Variants in CELF4 observed in about 807,000 individuals in gnomAD.
CELF4 encodes the protein CUG-BP- and ETR-3-like factor 4.
In CELF4, 18 loss-of-function variants were observed where a neutral mutation model predicts 59.9. That is an observed-to-expected ratio of 0.30 (90% CI 0.21 to 0.45). The LOEUF (loss-of-function observed/expected upper bound fraction) is 0.45, where lower values mean the gene tolerates loss of function less well. CELF4 is among the 20% of genes least tolerant of loss of function. The pLI is 1.00. For missense variants in CELF4, 456 were observed against 689.0 expected (o/e 0.66, Z 3.79); for synonymous variants, 261 against 267.1 (o/e 0.98, Z 0.22).
chr18:37,373,421 C>T (rs1304413242), intron 2 of CELF4, among the ~76,000 whole-genome samples: 1 of 152,234 alleles, frequency 6.6e-6, no homozygotes. Flanking sequence ...ACCTGAGACC[C>T]TGGACGGTGG....
At chr18:37,523,934 T>C (rs1210540777) in intron 1 of CELF4, among the ~76,000 whole-genome samples, 3 of 152,192 alleles carry the variant, frequency 2.0e-5, no homozygotes, top group African/African-American at 7.2e-5. Context: ...CGCCTGCCCT[T>C]TGCATGTCAC....
chr18:37,260,778 C>G (rs904821323), intron 10 of CELF4, among the ~76,000 whole-genome samples: 1 of 152,208 alleles, frequency 6.6e-6, no homozygotes, highest in Non-Finnish European at 1.5e-5. Context: ...CTAAAGCTGC[C>G]CAAGGAGCCA....
In CELF4 at chr18:37,290,250, T is replaced by C. The variant is rs148659784; in HGVS notation, c.449-15007A>G. On this transcript the variant is annotated intron_variant, in intron 3 of 12. Transcript: ENST00000420428. ...CCAGGGCAGTGGAGCCCCCTGAACA[T>C]GGGTCCCAGGCACCTCAAGCTTTGT... is the stretch of plus-strand genomic sequence containing the variant. Among the ~76,000 whole-genome samples the C allele has an allele frequency of 3.2e-4, 48 of 152,280 alleles. No individual in the cohort carries two copies. In the East Asian group the frequency reaches 9.1e-3, roughly 29 times the overall value.
intron 3 of CELF4, among the ~76,000 whole-genome samples, chr18:37,301,618 C>T (rs2096044875): frequency 6.6e-6 from 1 of 152,150 alleles, no homozygotes; most frequent in South Asian, 2.1e-4. Flanking sequence ...TCTGGGCTGC[C>T]CTTCCTCAGG....
At chr18:37,485,339 C>T (rs1388377748) in intron 2 of CELF4, among the ~76,000 whole-genome samples, 186 bp downstream of exon 2, 1 of 151,740 alleles carries the variant, frequency 6.6e-6, no homozygotes, top group Non-Finnish European at 1.5e-5. Flanking sequence ...GGGCCCCTGT[C>T]CCGGATCCCG....
intron 2 of CELF4, among the ~76,000 whole-genome samples, chr18:37,434,548 T>C (rs1316496612): frequency 6.6e-6 from 1 of 152,090 alleles, no homozygotes; most frequent in Admixed American, 6.6e-5. Context: ...AGCCACCTTA[T>C]TACACCAGCG....
chr18:37,469,768 GATTT>G (rs2099816769), intron 2 of CELF4, among the ~76,000 whole-genome samples: 1 of 152,186 alleles, frequency 6.6e-6, no homozygotes, highest in South Asian at 2.1e-4. Context: ...TTCTTCCATT[GATTT>G]ATCTATCAGT....
intron 1 of CELF4, among the ~76,000 whole-genome samples, chr18:37,513,941 CGTGT>C (rs5824070): frequency 0.35 from 50,076 of 143,960 alleles, 10,143 homozygotes; most frequent in Non-Finnish European, 0.46. Flanking sequence ...TGTGTGGTGC[CGTGT>C]GTGTGTGTGT....
intron 1 of CELF4, among the ~76,000 whole-genome samples, chr18:37,532,144 C>T (rs984373141): frequency 6.6e-6 from 1 of 152,194 alleles, no homozygotes; most frequent in African/African-American, 2.4e-5. Context: ...ACTCAAATTG[C>T]TTTCTCCTTG....
chr18:37,270,501 C>A (rs2090638971), intron 8 of CELF4, among the ~76,000 whole-genome samples: 1 of 152,246 alleles, frequency 6.6e-6, no homozygotes, highest in Non-Finnish European at 1.5e-5. Context: ...CACCCAGTCT[C>A]CTTTCTTCCC....
intron 2 of CELF4, among the ~76,000 whole-genome samples, chr18:37,418,148 G>C (rs530988354): frequency 1.3e-5 from 2 of 152,200 alleles, no homozygotes; most frequent in Non-Finnish European, 2.9e-5. Context: ...TCCCCACCAA[G>C]TTGGAAATCC....
At chr18:37,485,678 C>T (rs1354862933) in intron 1 of CELF4, 71 bp from the exon 2 acceptor site, 2 of 1,031,326 alleles carry the variant, frequency 1.9e-6, no homozygotes, top group African/African-American at 1.7e-5. Context: ...CCCTGCCGCC[C>T]GCCCTCCAGG....
Position 37,253,962 on chromosome 18 carries a change from G to C in CELF4, c.1334-24C>G. 2 of 1,586,414 alleles carry C rather than the reference G, an allele frequency of 1.3e-6. No homozygotes were observed. The highest frequency in any genetic ancestry group is 2.3e-5 in the South Asian group (2 of 88,436). On this transcript the variant is annotated intron_variant, in intron 11 of 12. Coordinates refer to ENST00000420428, the MANE Select transcript of CELF4 (RefSeq NM_020180.4). This position sits in a 1 kb window ranked among gnomAD's most constrained non-coding sequence, Gnocchi z 4.5. ...GCCTGGCGAGACACGAGGGACGAGG[G>C]CCTGGGTTTCCACGGGGCCGCCCGG...
At chr18:37,295,784 C>T (rs1484877998) in intron 3 of CELF4, among the ~76,000 whole-genome samples, 3 of 152,164 alleles carry the variant, frequency 2.0e-5, no homozygotes, top group Non-Finnish European at 1.5e-5. Context: ...AAGGGAGGCA[C>T]CCAGGTGAAA....
intron 2 of CELF4, among the ~76,000 whole-genome samples, chr18:37,330,882 G>A (rs573683198): frequency 6.6e-6 from 1 of 152,232 alleles, no homozygotes; most frequent in South Asian, 2.1e-4. Context: ...GATTAGGAAG[G>A]GTTTATTGAA....
intron 2 of CELF4, among the ~76,000 whole-genome samples, chr18:37,358,472 C>T (rs774854470): frequency 9.9e-5 from 15 of 152,166 alleles, no homozygotes; most frequent in Non-Finnish European, 7.3e-5. Context: ...TTATCAGCAG[C>T]GTGAAAACGG....
intron 2 of CELF4, among the ~76,000 whole-genome samples, chr18:37,391,386 G>A (rs2099160112): frequency 6.6e-6 from 1 of 152,218 alleles, no homozygotes; most frequent in African/African-American, 2.4e-5. Flanking sequence ...GCAGCTGTCT[G>A]CTCTCTGAAG....
At chr18:37,378,323 T>C (rs1181217494) in intron 2 of CELF4, among the ~76,000 whole-genome samples, 1 of 152,096 alleles carries the variant, frequency 6.6e-6, no homozygotes, top group Admixed American at 6.5e-5. Flanking sequence ...TCCGCAGGGC[T>C]GGGCCACCCC....
chr18:37,247,558 CAT>C (rs916295436), intron 12 of CELF4: 1 of 152,118 alleles, frequency 6.6e-6, no homozygotes, highest in African/African-American at 2.4e-5. Flanking sequence ...GCAGTCAAAT[CAT>C]AAGAGAACTG....
Sources: gnomAD v4.1 joint callset for allele counts (sites outside exome capture counted in the v4.1 genomes callset) on GRCh38, gnomAD v4.1.1 for gene constraint, Gnocchi (gnomAD v3.1) non-coding constraint, MANE v1.5 for transcripts, NCBI Gene and HGNC (gene_info 2026-07-23, HGNC 2026-07-21) for gene names.